Variants in USP49 observed in about 807,000 individuals in gnomAD.
USP49 encodes the protein ubiquitin carboxyl-terminal hydrolase 49.
In USP49, 24 loss-of-function variants were observed where a neutral mutation model predicts 58.6. That is an observed-to-expected ratio of 0.41 (90% CI 0.30 to 0.58). USP49 has a LOEUF of 0.58. Ranked by LOEUF, USP49 falls within the 20% of genes least tolerant of loss-of-function variation. USP49 has a pLI of 0.30. For missense variants in USP49, 703 were observed against 866.1 expected (o/e 0.81, Z 2.36); for synonymous variants, 408 against 365.1 (o/e 1.12, Z -1.34).
At chr6:41,842,833 G>T (rs1158669084) in intron 3 of USP49, among the ~76,000 whole-genome samples, 1 of 150,010 alleles carries the variant, frequency 6.7e-6, no homozygotes, top group South Asian at 2.1e-4. Flanking sequence ...TATTTAGTCA[G>T]CTTATTCACA....
chr6:41,798,994 G>T, intron 6 of USP49, 65 bp from the exon 7 acceptor site: 1 of 1,533,248 alleles, frequency 6.5e-7, no homozygotes, highest in Non-Finnish European at 8.8e-7. Flanking sequence ...GTAGAGGTAG[G>T]TATTAATAAA....
intron 2 of USP49, among the ~76,000 whole-genome samples, chr6:41,881,679 C>T (rs536717897): frequency 6.6e-6 from 1 of 152,048 alleles, no homozygotes; most frequent in South Asian, 2.1e-4. Context: ...AGTCATAAAA[C>T]CAGCAAAGAG....
chr6:41,856,855 G>T (rs1481728023), intron 3 of USP49, among the ~76,000 whole-genome samples: 1 of 152,164 alleles, frequency 6.6e-6, no homozygotes, highest in African/African-American at 2.4e-5. Flanking sequence ...TATTGTTGTT[G>T]TTAATCTCTT....
chr6:41,893,759 A>T (rs1462053007), intron 1 of USP49, among the ~76,000 whole-genome samples: 1 of 152,218 alleles, frequency 6.6e-6, no homozygotes, highest in Non-Finnish European at 1.5e-5. Flanking sequence ...GTGGAAGCAG[A>T]TTCAAGATTT....
intron 3 of USP49, among the ~76,000 whole-genome samples, chr6:41,823,483 A>G (rs1773485433): frequency 6.6e-6 from 1 of 152,206 alleles, no homozygotes; most frequent in African/African-American, 2.4e-5. Flanking sequence ...TAGCCATTAC[A>G]AAAAGAGTCC....
In USP49 at chr6:41,795,131, A is replaced by G. The variant is rs967617996; in HGVS notation, c.*1402T>C. 6.6e-6 allele frequency: 1 copy of G among 152,226 alleles called. No homozygotes were observed. Among genetic ancestry groups the G allele is most frequent in the African/African-American group, 2.4e-5 (1 of 41,460 alleles). The allele number at this position is 152,226 out of a possible 1,614,324, so 9.4% of individuals were successfully genotyped here. ...ATTCAAACATTAATATGATATACTC[A>G]GTCAAAAGATGAGCATTCATAGTGA... On this transcript the variant is annotated 3_prime_UTR_variant, in exon 8 of 8. Transcript: ENST00000682992.
chr6:41,847,489 G>A (rs1381276388), intron 3 of USP49, among the ~76,000 whole-genome samples: 2 of 152,146 alleles, frequency 1.3e-5, no homozygotes, highest in Non-Finnish European at 2.9e-5. Flanking sequence ...GCCGAGGCAG[G>A]TGGATCACGA....
intron 3 of USP49, among the ~76,000 whole-genome samples, chr6:41,820,007 G>A (rs1240883868): frequency 1.3e-5 from 2 of 152,122 alleles, no homozygotes; most frequent in Non-Finnish European, 2.9e-5. Context: ...TGAAACAAAG[G>A]CAAGTGGGAG....
chr6:41,854,757 GAAC>G (rs1220607750), intron 3 of USP49, among the ~76,000 whole-genome samples: 1 of 152,106 alleles, frequency 6.6e-6, no homozygotes, highest in African/African-American at 2.4e-5. Flanking sequence ...CAAATCCTTA[GAAC>G]AACGCCTTGG....
intron 6 of USP49, 111 bp from the exon 7 acceptor site, chr6:41,799,040 G>A: frequency 6.5e-6 from 9 of 1,383,416 alleles, no homozygotes; most frequent in Non-Finnish European, 7.6e-6. Context: ...TCTGGTTTTG[G>A]TTTTCCCATC....
In USP49 at chr6:41,791,059, A is replaced by G. The variant is rs557644020; in HGVS notation, c.*5474T>C. Reference sequence around the variant, plus strand: ...TATAGGAATGAAACTTAGATCCTTAAAGGCTGCTACCTGATATACTCATGA... The same window carrying G: ...TATAGGAATGAAACTTAGATCCTTAGAGGCTGCTACCTGATATACTCATGA... On this transcript the variant is annotated 3_prime_UTR_variant, in exon 8 of 8. Coordinates refer to ENST00000682992, the MANE Select transcript of USP49 (RefSeq NM_001286554.2). 20 of 152,320 alleles carry G rather than the reference A, an allele frequency of 1.3e-4. No homozygotes were observed. In the South Asian group the frequency reaches 4.1e-3, roughly 32 times the overall value. 9.4% of individuals were successfully genotyped at this position (152,320 alleles called of 1,614,324 possible). A position where few individuals can be genotyped will look rare whatever the true frequency, so the allele number is the denominator to read the frequency against.
chr6:41,879,187 C>A (rs568723361), intron 2 of USP49, among the ~76,000 whole-genome samples: 1 of 152,150 alleles, frequency 6.6e-6, no homozygotes, highest in Non-Finnish European at 1.5e-5. Flanking sequence ...TTGAGGCCAG[C>A]AGTTTGAGAC....
At chr6:41,817,168 G>A (rs56784685) in intron 3 of USP49, among the ~76,000 whole-genome samples, 5 of 95,718 alleles carry the variant, frequency 5.2e-5, no homozygotes, top group African/African-American at 2.0e-4. Flanking sequence ...TTTTTTTTTT[G>A]AGACAGAGTC....
Position 41,806,219 on chromosome 6 carries a change from C to T in USP49, c.765G>A (p.Leu255=). ...TGTAGCAGGTGTTGCCCAGGTTGCG[C>T]AGGCCCGTGACGCCTGGGGCCATGG... ...QPAMAPGVTG[L]RNLGNTCYMN... The change falls in exon 4 of 8, where the codon CTG becomes CTA. Residue 255 remains leucine (L), a synonymous_variant. Coordinates refer to ENST00000682992, the MANE Select transcript of USP49 (RefSeq NM_001286554.2). This position sits in a 1 kb window ranked among gnomAD's most constrained non-coding sequence, Gnocchi z 5.9. 1 of 1,611,950 alleles carries T rather than the reference C, an allele frequency of 6.2e-7. No homozygotes were observed. The highest frequency in any genetic ancestry group is 8.5e-7 in the Non-Finnish European group (1 of 1,180,022).
chr6:41,829,543 C>T (rs1301012039), intron 3 of USP49, among the ~76,000 whole-genome samples: 2 of 152,158 alleles, frequency 1.3e-5, no homozygotes, highest in African/African-American at 4.8e-5. Flanking sequence ...GAACTCCTGA[C>T]CTCAGGTGAT....
intron 2 of USP49, chr6:41,873,942 T>C (rs1323418082): frequency 6.6e-6 from 1 of 152,248 alleles, no homozygotes; most frequent in Non-Finnish European, 1.5e-5. Flanking sequence ...GCAATATACT[T>C]TTAAATGGGT....
chr6:41,850,119 T>C (rs981952038), intron 3 of USP49, among the ~76,000 whole-genome samples: 4 of 152,012 alleles, frequency 2.6e-5, no homozygotes, highest in Non-Finnish European at 4.4e-5. Flanking sequence ...TGTTAAGAGG[T>C]CAATTTATGG....
chr6:41,805,726 T>C lies in USP49; in HGVS notation c.1258A>G (p.Thr420Ala), dbSNP rs1773102380. 6.2e-7 allele frequency: 1 copy of C among 1,614,016 alleles called. No individual in the cohort carries two copies. Among genetic ancestry groups the C allele is most frequent in the African/African-American group, 1.3e-5 (1 of 74,914 alleles). ...KVQQELESEG[T>A]TRRILIPFSQ... is the part of the protein sequence containing the mutation. ...AAGGGGATGAGGATCCGGCGTGTGG[T>C]GCCCTCAGACTCGAGTTCCTGCTGC... Residue 420 changes from threonine (T) to alanine (A), a missense_variant, in exon 4 of 8, where the codon ACC (threonine) becomes GCC (alanine). Thr to Ala is a moderately conservative substitution (Grantham distance 58, BLOSUM62 0). Around this residue, in one of 6 missense-constraint regions of USP49, gnomAD observed 66 missense variants for 116.0 expected, o/e 0.57. Coordinates refer to ENST00000682992, the MANE Select transcript of USP49 (RefSeq NM_001286554.2).
intron 2 of USP49, among the ~76,000 whole-genome samples, chr6:41,886,195 G>T (rs1271316609): frequency 6.6e-6 from 1 of 152,154 alleles, no homozygotes; most frequent in East Asian, 1.9e-4. Flanking sequence ...AATTGATATA[G>T]GTGGTTGTAT....
Sources: allele counts gnomAD v4.1 joint callset (sites outside exome capture counted in the v4.1 genomes callset), GRCh38; gene constraint gnomAD v4.1.1; regional missense constraint gnomAD v4.1.1; non-coding constraint Gnocchi (gnomAD v3.1); transcripts MANE v1.5; gene names NCBI Gene and HGNC (gene_info 2026-07-23, HGNC 2026-07-21).